The following ALPL variants were observed in gnomAD, a reference collection of about 807,000 sequenced individuals.
The protein encoded by ALPL is alkaline phosphatase, biomineralization associated.
ALPL carries 42 observed loss-of-function variants against 51.3 expected under a neutral mutation model. The observed-to-expected ratio is 0.82, with a 90% confidence interval of 0.64 to 1.06. The LOEUF (loss-of-function observed/expected upper bound fraction) is 1.06. Among genes scored for constraint, ALPL ranks in the 50% least tolerant of loss-of-function variants. The pLI, the probability that ALPL is intolerant of heterozygous loss-of-function variation, is 0.00. For synonymous variants in ALPL, 279 were observed against 296.4 expected (o/e 0.94, Z 0.60); for missense variants, 589 against 709.4 (o/e 0.83, Z 1.93).
chr1:21,531,586 G>T (rs555282784), intron 1 of ALPL, among the ~76,000 whole-genome samples: 1 of 152,346 alleles, frequency 6.6e-6, no homozygotes, highest in East Asian at 1.9e-4. Context: ...GGAGGATTCT[G>T]GGAGGACACG....
At chr1:21,509,374 A>G (rs1218800603), upstream of ALPL, 2 of 148,200 alleles carry the variant, frequency 1.3e-5, no homozygotes, top group East Asian at 2.0e-4. This position sits in a 1 kb window ranked among gnomAD's most constrained non-coding sequence, Gnocchi z 6.0. Context: ...CCCGGGCCTC[A>G]CTCGGGCCCC....
At chr1:21,541,677 G>A (rs988249031) in intron 1 of ALPL, among the ~76,000 whole-genome samples, 1 of 152,202 alleles carries the variant, frequency 6.6e-6, no homozygotes, top group African/African-American at 2.4e-5. Flanking sequence ...CTGGGAGCTT[G>A]GGGAGGAGCC....
At position 21,564,510 on chromosome 1, in the gene ALPL, C is replaced by T. The variant is rs1318421752; in HGVS notation, c.648+294C>T. ...GTGCTGTGCCCTCCTCTGCCCCCCA[C>T]TACACGGGAGGTGGTGATGGCCAAG... On this transcript the variant is annotated intron_variant, in intron 6 of 11. Coordinates refer to ENST00000374840, the MANE Select transcript of ALPL (RefSeq NM_000478.6). This position sits in a 1 kb window ranked among gnomAD's most constrained non-coding sequence, Gnocchi z 5.8. Among the ~76,000 whole-genome samples the T allele has an allele frequency of 2.0e-5, 3 of 152,224 alleles. No homozygotes were observed. The highest frequency in any genetic ancestry group is 2.9e-5 in the Non-Finnish European group (2 of 68,040).
chr1:21,530,927 T>G (rs898809681), intron 1 of ALPL, among the ~76,000 whole-genome samples: 1 of 150,406 alleles, frequency 6.6e-6, no homozygotes, highest in African/African-American at 2.4e-5. Context: ...ACCACAGGCG[T>G]GCACCACCAC....
intron 1 of ALPL, among the ~76,000 whole-genome samples, 181 bp from the exon 2 acceptor site, chr1:21,553,797 G>A (rs542464275): frequency 3.4e-4 from 52 of 152,334 alleles, no homozygotes; most frequent in Admixed American, 2.0e-3. Context: ...TGTTTGTGTG[G>A]TTAAGCTTCC....
intron 9 of ALPL, chr1:21,574,420 G>A (rs1644696943): frequency 6.1e-6 from 1 of 164,452 alleles, no homozygotes. Context: ...CAATAGTTAA[G>A]GCGGGAACAA....
In ALPL at chr1:21,563,103, C is replaced by A. The variant is rs1417277360; in HGVS notation, c.298-7C>A. The A allele has an allele frequency of 6.2e-7, 1 of 1,613,434 alleles. No homozygotes were observed. Among genetic ancestry groups the A allele is most frequent in the Non-Finnish European group, 8.5e-7 (1 of 1,180,026 alleles). On this transcript the variant is annotated splice_region_variant and splice_polypyrimidine_tract_variant and intron_variant, in intron 4 of 11. Coordinates refer to ENST00000374840, the MANE Select transcript of ALPL (RefSeq NM_000478.6). ...GCCATCTCCTGACCCTCCTCTCCCACCTGCAGACGTACAACACCAATGCCC... is the reference window on the plus strand; with the variant it reads ...GCCATCTCCTGACCCTCCTCTCCCAACTGCAGACGTACAACACCAATGCCC...
At chr1:21,512,135 A>G (rs1161677546) in intron 1 of ALPL, among the ~76,000 whole-genome samples, 6 of 152,182 alleles carry the variant, frequency 3.9e-5, no homozygotes, top group Admixed American at 6.5e-5. Flanking sequence ...CCATGTGGCC[A>G]CAGGAATGCT....
chr1:21,577,444 G>C lies in ALPL; in HGVS notation c.1371G>C (p.Glu457Asp). The change falls in exon 12 of 12, where the codon GAG (glutamate) becomes GAC (aspartate). Residue 457 changes from glutamate (E) to aspartate (D), a missense_variant. By Grantham distance (45) the Glu-to-Asp change is conservative. Coordinates refer to ENST00000374840, the MANE Select transcript of ALPL (RefSeq NM_000478.6). ...VPLRHETHGG[E>D]DVAVFSKGPM... ...TGCGCCACGAGACCCACGGCGGGGAGGACGTGGCCGTCTTCTCCAAGGGCC... is the reference window on the plus strand; with the variant it reads ...TGCGCCACGAGACCCACGGCGGGGACGACGTGGCCGTCTTCTCCAAGGGCC... 1 of 1,612,110 alleles carries C rather than the reference G, an allele frequency of 6.2e-7. No individual in the cohort carries two copies. The highest frequency in any genetic ancestry group is 8.5e-7 in the Non-Finnish European group (1 of 1,179,950).
chr1:21,565,094 C>A (rs1187709896), intron 6 of ALPL, among the ~76,000 whole-genome samples: 1 of 152,128 alleles, frequency 6.6e-6, no homozygotes, highest in African/African-American at 2.4e-5. Context: ...AGAGAAAGCC[C>A]CCCTGCCCAG....
intron 1 of ALPL, among the ~76,000 whole-genome samples, chr1:21,546,033 C>T (rs1002050333): frequency 6.6e-6 from 1 of 152,060 alleles, no homozygotes; most frequent in African/African-American, 2.4e-5. Context: ...CCAGGATGGT[C>T]TCGATTTCCT....
chr1:21,560,050 G>A (rs58423539), intron 2 of ALPL, among the ~76,000 whole-genome samples: 1 of 152,202 alleles, frequency 6.6e-6, no homozygotes, highest in African/African-American at 2.4e-5. Flanking sequence ...AGATCACCTG[G>A]CTCCTTTAAA....
chr1:21,525,734 T>G lies in ALPL; in HGVS notation c.-105+16217T>G, dbSNP rs147392432. 6.8e-3 allele frequency among the ~76,000 whole-genome samples: 1,030 copies of G among 152,286 alleles called. 11 individuals are homozygous for G. Among genetic ancestry groups the G allele is most frequent in the African/African-American group, 0.023 (960 of 41,566 alleles). On this transcript the variant is annotated intron_variant, in intron 1 of 11. Coordinates refer to ENST00000374840, the MANE Select transcript of ALPL (RefSeq NM_000478.6). ...TGGGCTCCGCGGCTCACGCCTGTAG[T>G]CCCAGCACTTTGGGAGGCCAAGGCC...
chr1:21,509,356 GCGGGCTGCC>G (rs1643632891), upstream of ALPL: 1 of 146,120 alleles, frequency 6.8e-6, no homozygotes, highest in East Asian at 2.1e-4. The surrounding 1 kb of genome is among the most constrained non-coding windows in gnomAD (Gnocchi z 6.0). Context: ...GGGGGAGGGG[GCGGGCTGCC>G]CGGGCCTCAC....
At chr1:21,559,884 A>G (rs545296366) in intron 2 of ALPL, among the ~76,000 whole-genome samples, 184 of 152,322 alleles carry the variant, frequency 1.2e-3, no homozygotes, top group Non-Finnish European at 2.3e-3. Context: ...ACACACACAC[A>G]CATGAGAAAG....
chr1:21,548,897 G>A (rs6658127), intron 1 of ALPL, among the ~76,000 whole-genome samples: 43,335 of 152,000 alleles, frequency 0.29, 6,739 homozygotes, highest in South Asian at 0.43. Context: ...CATACACTGC[G>A]TTTGATTCTT....
chr1:21,519,756 C>G (rs1481939597), intron 1 of ALPL, among the ~76,000 whole-genome samples: 18 of 152,182 alleles, frequency 1.2e-4, no homozygotes, highest in Admixed American at 1.2e-3. Context: ...GAGATCGTGC[C>G]ACTGCACTCC....
chr1:21,552,106 T>TCCTCC (rs1217638168), intron 1 of ALPL, among the ~76,000 whole-genome samples: 2 of 33,814 alleles, frequency 5.9e-5, no homozygotes, highest in Non-Finnish European at 5.0e-5. Context: ...CCCTTCCCTT[T>TCCTCC]CCTCCCCTTC....
chr1:21,521,054 C>A (rs141347490), intron 1 of ALPL, among the ~76,000 whole-genome samples: 252 of 152,336 alleles, frequency 1.7e-3, no homozygotes, highest in African/African-American at 5.8e-3. Flanking sequence ...CTTTGGATAT[C>A]TTGAACCCTT....
Sources: gnomAD v4.1 joint callset for allele counts (sites outside exome capture counted in the v4.1 genomes callset) on GRCh38, gnomAD v4.1.1 for gene constraint, Gnocchi (gnomAD v3.1) non-coding constraint, MANE v1.5 for transcripts, NCBI Gene and HGNC (gene_info 2026-07-23, HGNC 2026-07-21) for gene names.